SYNM: variants seen among roughly 807,000 people sequenced by gnomAD.
SYNM encodes synemin.
In SYNM, 95 loss-of-function variants were observed where a neutral mutation model predicts 104.0. The ratio of observed to expected loss-of-function variants is 0.91; its 90% confidence interval spans 0.77 to 1.08. The LOEUF is 1.08. Ranked by LOEUF, SYNM falls within the 50% of genes least tolerant of loss-of-function variation. The pLI, the probability that SYNM is intolerant of heterozygous loss-of-function variation, is 0.00. For missense variants in SYNM, 2,150 were observed against 2,052.2 expected (o/e 1.05, Z -0.92); for synonymous variants, 918 against 869.0 (o/e 1.06, Z -0.99).
Position 99,132,871 on chromosome 15 carries a change from G to A in SYNM, c.4511G>A (p.Ser1504Asn). The change falls in exon 4 of 4, where the codon AGC becomes AAC. Residue 1504 changes from serine to asparagine, a missense_variant. Coordinates refer to ENST00000336292, the MANE Select transcript of SYNM (RefSeq NM_145728.3). ...AGGAATGACCAGGCAGTTGGTGTGA[G>A]CTTTAAGGCCTCTGCTGGGGAAGGA... ...DSRNDQAVGV[S>N]FKASAGEGDQ... 1.2e-6 allele frequency: 2 copies of A among 1,613,988 alleles called. No individual in the cohort carries two copies. Among genetic ancestry groups the A allele is most frequent in the South Asian group, 1.1e-5 (1 of 91,054 alleles).
At chr15:99,137,730 C>T (rs909001290), downstream of SYNM, 9 of 415,860 alleles carry the variant, frequency 2.2e-5, no homozygotes, top group Non-Finnish European at 4.0e-5. Context: ...AGAAGTTTTT[C>T]AGCCACAGTA....
intron 1 of SYNM, among the ~76,000 whole-genome samples, chr15:99,110,663 A>C (rs1194142800): frequency 6.6e-6 from 1 of 152,252 alleles, no homozygotes; most frequent in Non-Finnish European, 1.5e-5. Flanking sequence ...CGGTAGCTCA[A>C]GTTTGGCTAA....
At chr15:99,109,455 T>A (rs1325293028) in intron 1 of SYNM, among the ~76,000 whole-genome samples, 2 of 152,084 alleles carry the variant, frequency 1.3e-5, no homozygotes, top group Non-Finnish European at 2.9e-5. Flanking sequence ...CAAAACATGA[T>A]TGAATGAAAG....
intron 1 of SYNM, among the ~76,000 whole-genome samples, chr15:99,109,945 G>A (rs578248216): frequency 7.9e-5 from 12 of 152,248 alleles, no homozygotes; most frequent in African/African-American, 2.9e-4. Flanking sequence ...GGAGAGTTGG[G>A]GCCTGGCTGT....
At chr15:99,139,767 GTT>G (rs781909987), downstream of SYNM, 2 of 1,302,526 alleles carry the variant, frequency 1.5e-6, no homozygotes, top group Non-Finnish European at 2.0e-6. Context: ...TAAAAAAATA[GTT>G]TTGTTTTTTT....
intron 2 of SYNM, among the ~76,000 whole-genome samples, chr15:99,118,135 G>C (rs2067367147): frequency 6.6e-6 from 1 of 150,558 alleles, no homozygotes. Flanking sequence ...GTATAGTCTC[G>C]GAGATGCCCG....
At chr15:99,127,554 T>C (rs1256332936) in intron 3 of SYNM, among the ~76,000 whole-genome samples, 1 of 152,254 alleles carries the variant, frequency 6.6e-6, no homozygotes, top group Non-Finnish European at 1.5e-5. Flanking sequence ...TTGTTTCTTT[T>C]AGGCAACTCA....
At position 99,131,615 on chromosome 15, in the gene SYNM, G is replaced by A. The variant is rs782597064; in HGVS notation, c.3255G>A (p.Gly1085=). ...IPSGESEVAG[G]ASHSSGQRTP... The stretch of plus-strand genomic sequence containing the variant: ...CAGGCGAGAGCGAGGTTGCTGGTGG[G>A]GCCTCTCACAGCTCGGGACAGCGCA... The change falls in exon 4 of 4, where the codon GGG becomes GGA. Residue 1085 remains glycine, a synonymous_variant. Coordinates refer to ENST00000336292, the MANE Select transcript of SYNM (RefSeq NM_145728.3). The surrounding 1 kb of genome is among the most constrained non-coding windows in gnomAD (Gnocchi z 4.3). 6.2e-7 allele frequency: 1 copy of A among 1,610,556 alleles called. No individual in the cohort carries two copies. The highest frequency in any genetic ancestry group is 8.5e-7 in the Non-Finnish European group (1 of 1,179,680).
In SYNM at chr15:99,129,551, C is replaced by T. The variant is rs782543837; in HGVS notation, c.1191C>T (p.Gly397=). 22 of 1,613,824 alleles carry T rather than the reference C, an allele frequency of 1.4e-5. 1 individual carries two copies. In the Admixed American group the frequency reaches 3.3e-4, roughly 24 times the overall value. The change falls in exon 4 of 4, where the codon GGC becomes GGT. Residue 397 remains glycine, a synonymous_variant. Coordinates refer to ENST00000336292, the MANE Select transcript of SYNM (RefSeq NM_145728.3). ...GTSIGGDARR[G]FLGSGYSSSA... ...CTATTGGAGGTGATGCCAGAAGAGG[C>T]TTCTTGGGCTCGGGATATTCTTCCT... is the stretch of plus-strand genomic sequence containing the variant.
chr15:99,139,813 G>T (rs920949359), downstream of SYNM: 3 of 1,179,134 alleles, frequency 2.5e-6, no homozygotes, highest in Admixed American at 2.5e-5. Flanking sequence ...TTAATATATA[G>T]GCTGTCTATA....
chr15:99,129,943 AAG>A lies in SYNM; in HGVS notation c.1587_1588del (p.Lys530GlyfsTer17), dbSNP rs1355335357. ...CCAGAAGAGAAAATGTTCGATTCTA[AAG>A]AGAAGGCTTCCGAGGAGAGAAACCT... is the stretch of plus-strand genomic sequence containing the variant. On this transcript the variant is annotated frameshift_variant, in exon 4 of 4. Coordinates refer to ENST00000336292, the MANE Select transcript of SYNM (RefSeq NM_145728.3). LOFTEE classifies it low-confidence loss of function (END_TRUNC). The A allele has an allele frequency of 1.2e-6, 2 of 1,612,156 alleles. No homozygotes were observed. Among genetic ancestry groups the A allele is most frequent in the East Asian group, 2.2e-5 (1 of 44,854 alleles).
chr15:99,138,502 C>T (rs1227641129), downstream of SYNM, among the ~76,000 whole-genome samples: 7 of 152,078 alleles, frequency 4.6e-5, no homozygotes, highest in Non-Finnish European at 1.0e-4. Context: ...TTAGTAGAGA[C>T]GAAGTTTTGC....
chr15:99,133,091 G>A lies in SYNM; in HGVS notation c.*33G>A, dbSNP rs782593352. On this transcript the variant is annotated 3_prime_UTR_variant, in exon 4 of 4. Transcript: ENST00000336292. Reference sequence around the variant, plus strand: ...AAACATTTTGTTTTAATGGCAGCCTGTTGGCGACGTGCCAACATCCAAAGG... The same window carrying A: ...AAACATTTTGTTTTAATGGCAGCCTATTGGCGACGTGCCAACATCCAAAGG... 1.2e-6 allele frequency: 2 copies of A among 1,603,706 alleles called. No individual in the cohort carries two copies. The highest frequency in any genetic ancestry group is 1.3e-5 in the African/African-American group (1 of 74,904).
In SYNM at chr15:99,131,486, A is replaced by G. The variant is rs782316845; in HGVS notation, c.3126A>G (p.Gln1042=). The G allele has an allele frequency of 5.0e-6, 8 of 1,606,422 alleles. No homozygotes were observed. In the South Asian group the frequency reaches 5.5e-5, roughly 11 times the overall value. ...ESVVRESLSR[Q]RSPAPGSPDE... is the part of the protein sequence containing the mutation. ...TGGTTCGGGAGAGCCTGAGCAGGCA[A>G]CGCAGCCCAGCGCCTGGCAGCCCAG... Residue 1042 remains glutamine, a synonymous_variant, in exon 4 of 4, where the codon CAA becomes CAG. Coordinates refer to ENST00000336292, the MANE Select transcript of SYNM (RefSeq NM_145728.3). This position sits in a 1 kb window ranked among gnomAD's most constrained non-coding sequence, Gnocchi z 4.3.
At position 99,129,586 on chromosome 15, in the gene SYNM, C is replaced by T. The variant is rs782115557; in HGVS notation, c.1226C>T (p.Thr409Ile). The T allele has an allele frequency of 1.2e-6, 2 of 1,613,858 alleles. No individual in the cohort carries two copies. Among genetic ancestry groups the T allele is most frequent in the Non-Finnish European group, 8.5e-7 (1 of 1,179,826 alleles). ...LGSGYSSSATTQQENSYGKAV... is the reference protein window; with the variant it reads ...LGSGYSSSATIQQENSYGKAV... ...TCGGGATATTCTTCCTCGGCCACTA[C>T]CCAGCAGGAAAACTCATACGGAAAA... Residue 409 changes from threonine (T) to isoleucine (I), a missense_variant, in exon 4 of 4, where the codon ACC becomes ATC. Thr to Ile is a moderately conservative substitution (Grantham distance 89, BLOSUM62 -1). Transcript: ENST00000336292.
chr15:99,112,014 A>C (rs1425122664), intron 1 of SYNM, among the ~76,000 whole-genome samples: 4 of 152,246 alleles, frequency 2.6e-5, no homozygotes, highest in Non-Finnish European at 1.5e-5. Context: ...GTGCCATTGC[A>C]CTCCAGCCTC....
chr15:99,132,317 G>T lies in SYNM; in HGVS notation c.3957G>T (p.Gln1319His). 1.2e-6 allele frequency: 2 copies of T among 1,612,258 alleles called. No individual in the cohort carries two copies. The highest frequency in any genetic ancestry group is 1.7e-6 in the Non-Finnish European group (2 of 1,178,474). Residue 1319 changes from glutamine (Q) to histidine (H), a missense_variant, in exon 4 of 4, where the codon CAG becomes CAT. Physicochemically the swap from Gln to His is conservative, Grantham distance 24. Transcript: ENST00000336292. ...TCAGCATTGGGCCTCAGAGGCATCA[G>T]ACCACCCAGCAGATAGTTTACCATG... ...RHISIGPQRH[Q>H]TTQQIVYHGL... is the part of the protein sequence containing the mutation.
intron 2 of SYNM, among the ~76,000 whole-genome samples, chr15:99,114,956 C>T (rs1396100492): frequency 3.9e-5 from 6 of 152,176 alleles, no homozygotes; most frequent in Non-Finnish European, 7.3e-5. Context: ...AGCTTTATGG[C>T]GTCCTTACTG....
chr15:99,131,091 G>T lies in SYNM; in HGVS notation c.2731G>T (p.Ala911Ser). 2 of 1,604,020 alleles carry T rather than the reference G, an allele frequency of 1.2e-6. No individual in the cohort carries two copies. Among genetic ancestry groups the T allele is most frequent in the Non-Finnish European group, 1.7e-6 (2 of 1,175,116 alleles). The change falls in exon 4 of 4, where the codon GCT becomes TCT. Residue 911 changes from alanine (A) to serine (S), a missense_variant. By Grantham distance (99) the Ala-to-Ser change is moderately conservative. Transcript: ENST00000336292. This position sits in a 1 kb window ranked among gnomAD's most constrained non-coding sequence, Gnocchi z 4.3. ...DLGSTHWKEQ[A>S]RSGEFHAEPT... ...GGGTTCCACTCACTGGAAAGAACAA[G>T]CTAGAAGCGGTGAATTTCATGCCGA...
Sources: gnomAD v4.1 joint callset for allele counts (sites outside exome capture counted in the v4.1 genomes callset) on GRCh38, gnomAD v4.1.1 for gene constraint, Gnocchi (gnomAD v3.1) non-coding constraint, MANE v1.5 for transcripts, NCBI Gene and HGNC (gene_info 2026-07-23, HGNC 2026-07-21) for gene names.